Variants in IQGAP2 observed in about 807,000 individuals in gnomAD.
The protein encoded by IQGAP2 is IQ motif containing GTPase activating protein 2.
IQGAP2 carries 173 observed loss-of-function variants against 201.3 expected under a neutral mutation model. The ratio of observed to expected loss-of-function variants is 0.86; its 90% confidence interval spans 0.76 to 0.98. The LOEUF is 0.98. Ranked by LOEUF, IQGAP2 falls within the 50% of genes least tolerant of loss-of-function variation. IQGAP2 has a pLI of 0.00. For missense variants in IQGAP2, 1,687 were observed against 1,864.8 expected, an observed-to-expected ratio of 0.90 and a Z score of 1.76; for synonymous variants, 675 against 673.9, an observed-to-expected ratio of 1.00 and a Z score of -0.03.
chr5:76,509,388 G>A (rs1757817015), intron 2 of IQGAP2, among the ~76,000 whole-genome samples: 1 of 150,644 alleles, frequency 6.6e-6, no homozygotes, highest in South Asian at 2.1e-4. Context: ...TTTTTTGTTT[G>A]CAATTCCTTG....
At chr5:76,614,946 G>A (rs1480562250) in intron 13 of IQGAP2, among the ~76,000 whole-genome samples, 1 of 152,190 alleles carries the variant, frequency 6.6e-6, no homozygotes. Context: ...TAGAATGGCT[G>A]CCCAGTTTTG....
chr5:76,583,789 A>G (rs1051184760), intron 5 of IQGAP2, among the ~76,000 whole-genome samples: 5 of 152,242 alleles, frequency 3.3e-5, no homozygotes, highest in African/African-American at 7.2e-5. Flanking sequence ...ACAGTTTAGT[A>G]TAAACATTTT....
chr5:76,675,033 A>G (rs1225599647), intron 27 of IQGAP2, among the ~76,000 whole-genome samples: 3 of 152,208 alleles, frequency 2.0e-5, no homozygotes, highest in Admixed American at 6.5e-5. Flanking sequence ...AAAAATCAAA[A>G]TAGCAGATTT....
chr5:76,610,105 T>C (rs1490427349), intron 12 of IQGAP2, among the ~76,000 whole-genome samples: 1 of 24,258 alleles, frequency 4.1e-5, no homozygotes, highest in Non-Finnish European at 7.7e-5. Flanking sequence ...TATATATATA[T>C]ATATATATAT....
At chr5:76,520,910 T>C (rs1473258246) in intron 2 of IQGAP2, among the ~76,000 whole-genome samples, 5 of 152,024 alleles carry the variant, frequency 3.3e-5, no homozygotes, top group Non-Finnish European at 7.4e-5. Context: ...GGTTTCACCA[T>C]GCTGGCCAGG....
In IQGAP2 at chr5:76,429,582, T is replaced by TA. The variant is rs1554054988; in HGVS notation, c.46+25991_46+25992insA. 2.6e-3 allele frequency among the ~76,000 whole-genome samples: 309 copies of TA among 120,706 alleles called. 2 individuals carry two copies. The highest frequency in any genetic ancestry group is 6.5e-3 in the African/African-American group (235 of 36,102). The allele number at this position is 120,706 out of a possible 152,430, so 79.2% of individuals were successfully genotyped here. Reference sequence around the variant, plus strand: ...GCGAGACTCTGTCTCAAAAAAAAATTTATATATATATATATGTATATTTAT... The same window carrying TA: ...GCGAGACTCTGTCTCAAAAAAAAATTATATATATATATATATGTATATTTAT... On this transcript the variant is annotated intron_variant, in intron 1 of 35. Transcript: ENST00000274364.
At chr5:76,656,199 T>A (rs997357077) in intron 20 of IQGAP2, among the ~76,000 whole-genome samples, 1 of 146,074 alleles carries the variant, frequency 6.8e-6, no homozygotes, top group Non-Finnish European at 1.5e-5. Context: ...TTTTTGTTGG[T>A]TTTTTTTGTT....
intron 2 of IQGAP2, among the ~76,000 whole-genome samples, chr5:76,527,411 C>G (rs1222636958): frequency 6.6e-6 from 1 of 152,206 alleles, no homozygotes. Context: ...CCCTGCACTT[C>G]TGAGATCACT....
chr5:76,464,405 G>A (rs111982892), intron 2 of IQGAP2, among the ~76,000 whole-genome samples: 1,950 of 152,288 alleles, frequency 0.013, 47 homozygotes, highest in African/African-American at 0.045. Context: ...GCACATATGT[G>A]TGTTCACATG....
intron 1 of IQGAP2, among the ~76,000 whole-genome samples, chr5:76,421,083 C>G (rs915978673): frequency 6.6e-6 from 1 of 151,970 alleles, no homozygotes; most frequent in African/African-American, 2.4e-5. Context: ...GGGTATATAC[C>G]CAGAAGTGGG....
intron 2 of IQGAP2, among the ~76,000 whole-genome samples, chr5:76,538,751 A>T (rs191240714): frequency 1.3e-5 from 2 of 152,090 alleles, no homozygotes; most frequent in East Asian, 3.9e-4. Context: ...CATCTTTCCA[A>T]ATCTCCTAAT....
intron 2 of IQGAP2, among the ~76,000 whole-genome samples, chr5:76,466,269 A>G (rs553330073): frequency 6.6e-6 from 1 of 152,328 alleles, no homozygotes; most frequent in Admixed American, 6.5e-5. Flanking sequence ...CAGGAGGCTG[A>G]GGATGCAGTG....
intron 17 of IQGAP2, among the ~76,000 whole-genome samples, chr5:76,643,318 G>T (rs1200132139): frequency 6.6e-6 from 1 of 152,182 alleles, no homozygotes; most frequent in African/African-American, 2.4e-5. Flanking sequence ...ATTAGACACT[G>T]AACATAATTG....
chr5:76,461,406 A>G (rs1754448100), intron 1 of IQGAP2, among the ~76,000 whole-genome samples, 164 bp from the exon 2 acceptor site: 1 of 151,836 alleles, frequency 6.6e-6, no homozygotes, highest in Admixed American at 6.6e-5. Flanking sequence ...AAGAAATGAT[A>G]TTGTAAAATC....
intron 1 of IQGAP2, among the ~76,000 whole-genome samples, chr5:76,426,584 TC>T (rs1327767338): frequency 6.6e-6 from 1 of 152,188 alleles, no homozygotes; most frequent in Non-Finnish European, 1.5e-5. Context: ...GTGCCATTGT[TC>T]CTTTTCTTTG....
At chr5:76,591,098 A>G (rs1393685831) in intron 8 of IQGAP2, among the ~76,000 whole-genome samples, 1 of 152,110 alleles carries the variant, frequency 6.6e-6, no homozygotes, top group Admixed American at 6.5e-5. Context: ...CCCTCTCTCA[A>G]TTTTTAGAAA....
chr5:76,690,907 G>A (rs113427204), intron 30 of IQGAP2, among the ~76,000 whole-genome samples: 3,201 of 152,318 alleles, frequency 0.021, 124 homozygotes, highest in African/African-American at 0.072. Flanking sequence ...GACCATGTGA[G>A]TGCTTACCAT....
chr5:76,485,864 A>G (rs1211212711), intron 2 of IQGAP2, among the ~76,000 whole-genome samples: 2 of 152,264 alleles, frequency 1.3e-5, no homozygotes, highest in East Asian at 1.9e-4. Context: ...TATTTTATAT[A>G]TTTGACATAT....
rs1221591523 is a variant in IQGAP2 at position 76,671,865 on chromosome 5, C to T, written c.2950C>T (p.Leu984Phe). ...CCGGGGACAGAACACCCTGCGCCAA[C>T]TCCTGGCTCCAGTGGTAAAAGAGAT... ...GARGQNTLRQ[L>F]LAPVVKEIID... is the part of the protein sequence containing the mutation. The change falls in exon 24 of 36, where the codon CTC (leucine) becomes TTC (phenylalanine). Residue 984 changes from leucine (L) to phenylalanine (F), a missense_variant. Physicochemically the swap from Leu to Phe is conservative, Grantham distance 22. Transcript: ENST00000274364. The T allele has an allele frequency of 6.2e-7, 1 of 1,614,114 alleles. No homozygotes were observed. The highest frequency in any genetic ancestry group is 1.7e-5 in the Admixed American group (1 of 60,020).
Sources: allele counts gnomAD v4.1 joint callset (sites outside exome capture counted in the v4.1 genomes callset), GRCh38; gene constraint gnomAD v4.1.1; transcripts MANE v1.5; gene names NCBI Gene and HGNC (gene_info 2026-07-23, HGNC 2026-07-21).